NDRG1: variants seen among roughly 807,000 people sequenced by gnomAD.
NDRG1 encodes the protein N-myc downstream regulated 1, also known as protein NDRG1.
Under a neutral mutation model 56.9 loss-of-function variants are expected in NDRG1, and 32 were observed. The ratio of observed to expected loss-of-function variants is 0.56; its 90% CI spans 0.42 to 0.76. The LOEUF (loss-of-function observed/expected upper bound fraction) is 0.76. NDRG1 is among the 30% of genes least tolerant of loss of function. The pLI, the probability that NDRG1 is intolerant of heterozygous loss-of-function variation, is 0.00. For synonymous variants in NDRG1, 211 were observed against 204.1 expected (o/e 1.03, Z -0.29); for missense variants, 507 against 545.7 (o/e 0.93, Z 0.71).
intron 1 of NDRG1, chr8:133,284,772 T>G (rs1290495310): frequency 2.2e-6 from 1 of 458,100 alleles, no homozygotes. Flanking sequence ...ATAGGCATAG[T>G]GCAAGCTTCA....
intron 3 of NDRG1, 109 bp from the exon 4 acceptor site, chr8:133,264,761 A>G: frequency 1.1e-6 from 1 of 940,366 alleles, no homozygotes; most frequent in Non-Finnish European, 1.7e-6. Flanking sequence ...CTCTCTTCTC[A>G]TCTGGCCATA....
At chr8:133,254,468 G>C in intron 9 of NDRG1, 71 bp downstream of exon 9, 1 of 1,540,254 alleles carries the variant, frequency 6.5e-7, no homozygotes, top group Non-Finnish European at 9.0e-7. Context: ...CCCCACATGG[G>C]GCCCTGTGCT....
At position 133,239,021 on chromosome 8, in the gene NDRG1, C is replaced by T. The variant is rs775650624; in HGVS notation, c.1042G>A (p.Glu348Lys). Residue 348 changes from glutamate to lysine, a missense_variant, in exon 16 of 16, where the codon GAG becomes AAG. Glu to Lys is a moderately conservative substitution (Grantham distance 56, BLOSUM62 1). Coordinates refer to ENST00000323851, the MANE Select transcript of NDRG1 (RefSeq NM_006096.4). ...DGTRSRSHTS[E>K]GTRSRSHTSE... Reference sequence around the variant, plus strand: ...GTGTGGGAGCGGCTTCGGGTGCCCTCGCTGGTGTGGGAGCGGCTGCGGGTG... The same window carrying T: ...GTGTGGGAGCGGCTTCGGGTGCCCTTGCTGGTGTGGGAGCGGCTGCGGGTG... 1.3e-6 allele frequency: 2 copies of T among 1,598,774 alleles called. No individual in the cohort carries two copies. Among genetic ancestry groups the T allele is most frequent in the Non-Finnish European group, 1.7e-6 (2 of 1,174,268 alleles).
intron 9 of NDRG1, among the ~76,000 whole-genome samples, chr8:133,252,258 G>T (rs1319162976): frequency 6.6e-6 from 1 of 152,084 alleles, no homozygotes; most frequent in Non-Finnish European, 1.5e-5. Flanking sequence ...ACCACATCCG[G>T]TTAATTTTGT....
chr8:133,256,648 G>C, intron 8 of NDRG1, 129 bp downstream of exon 8: 1 of 825,672 alleles, frequency 1.2e-6, no homozygotes, highest in Non-Finnish European at 2.0e-6. Flanking sequence ...ACTGGAGTGG[G>C]CAGTAGAGGG....
intron 5 of NDRG1, among the ~76,000 whole-genome samples, chr8:133,260,375 C>T (rs1856602782): frequency 6.6e-6 from 1 of 152,216 alleles, no homozygotes; most frequent in Non-Finnish European, 1.5e-5. Context: ...CTCTCCTCTG[C>T]CCTACTCCAG....
intron 1 of NDRG1, among the ~76,000 whole-genome samples, chr8:133,287,949 A>G (rs534229576): frequency 1.6e-4 from 25 of 152,048 alleles, no homozygotes; most frequent in African/African-American, 5.5e-4. Flanking sequence ...ACACACGCAC[A>G]CACACACACA....
chr8:133,256,451 C>G (rs1432877806), intron 8 of NDRG1, among the ~76,000 whole-genome samples: 1 of 152,186 alleles, frequency 6.6e-6, no homozygotes, highest in Middle Eastern at 3.2e-3. Flanking sequence ...TGCTCAGCAT[C>G]TTGACCAAAG....
At chr8:133,257,627 C>T (rs1324378523) in intron 7 of NDRG1, among the ~76,000 whole-genome samples, 1 of 152,142 alleles carries the variant, frequency 6.6e-6, no homozygotes, top group East Asian at 1.9e-4. Flanking sequence ...TCTTATGGAA[C>T]CACTGTCAAA....
intron 1 of NDRG1, among the ~76,000 whole-genome samples, chr8:133,295,076 C>G (rs1013468914): frequency 1.3e-5 from 2 of 152,192 alleles, no homozygotes; most frequent in Non-Finnish European, 2.9e-5. Context: ...AATGATCAAA[C>G]TTTGTTGCTC....
chr8:133,249,642 G>T (rs59219784), intron 10 of NDRG1, among the ~76,000 whole-genome samples: 2,541 of 152,288 alleles, frequency 0.017, 60 homozygotes, highest in African/African-American at 0.057. Flanking sequence ...ACTCGCTCCA[G>T]TTCTCAGAAA....
intron 3 of NDRG1, among the ~76,000 whole-genome samples, chr8:133,271,058 G>A (rs943500876): frequency 7.9e-5 from 12 of 152,202 alleles, no homozygotes; most frequent in African/African-American, 2.9e-4. Flanking sequence ...ACTGGCTTAA[G>A]TCAACTCTCT....
chr8:133,237,405 C>T lies in NDRG1; in HGVS notation c.*1473G>A, dbSNP rs187466317. 83 of 232,076 alleles carry T rather than the reference C, an allele frequency of 3.6e-4. No individual in the cohort carries two copies. The East Asian group carries it at 3.6e-3, about 10-fold the overall frequency. 14.4% of individuals were successfully genotyped at this position (232,076 alleles called of 1,614,324 possible). On this transcript the variant is annotated 3_prime_UTR_variant, in exon 16 of 16. Coordinates refer to ENST00000323851, the MANE Select transcript of NDRG1 (RefSeq NM_006096.4). ...CTGGACTACTTCCTCCTCCCAACTG[C>T]GGGGTCCCAGAAATCCTCGGGTCCC...
At chr8:133,244,602 C>T in intron 13 of NDRG1, 1 of 646,886 alleles carries the variant, frequency 1.5e-6, no homozygotes, top group Non-Finnish European at 2.8e-6. Flanking sequence ...TCACTTGCAG[C>T]TTGCTACGTG....
intron 7 of NDRG1, among the ~76,000 whole-genome samples, chr8:133,257,659 A>G (rs1856453484): frequency 6.6e-6 from 1 of 152,234 alleles, no homozygotes; most frequent in Non-Finnish European, 1.5e-5. Flanking sequence ...TCATTGACCA[A>G]AATGTCATTA....
chr8:133,280,140 T>C, intron 3 of NDRG1, 92 bp downstream of exon 3: 4 of 1,496,680 alleles, frequency 2.7e-6, no homozygotes, highest in Non-Finnish European at 3.7e-6. Context: ...CCCGCAATGT[T>C]TGCACAATGA....
chr8:133,277,727 C>T (rs1286766616), intron 3 of NDRG1, among the ~76,000 whole-genome samples: 9 of 152,124 alleles, frequency 5.9e-5, no homozygotes, highest in Admixed American at 6.5e-5. Context: ...AAAAATAATT[C>T]GGGAAAACAC....
chr8:133,272,459 G>GTTGA (rs1857243002), intron 3 of NDRG1, among the ~76,000 whole-genome samples: 1 of 152,224 alleles, frequency 6.6e-6, no homozygotes, highest in Non-Finnish European at 1.5e-5. Context: ...GCCCCAGGGA[G>GTTGA]GTCAAGCGAG....
At chr8:133,294,709 A>AG (rs1477094180) in intron 1 of NDRG1, among the ~76,000 whole-genome samples, 2 of 151,892 alleles carry the variant, frequency 1.3e-5, no homozygotes, top group Non-Finnish European at 2.9e-5. Context: ...AGGCCAACTC[A>AG]GGGGGCTGCA....
Sources: allele counts gnomAD v4.1 joint callset (sites outside exome capture counted in the v4.1 genomes callset), GRCh38; gene constraint gnomAD v4.1.1; transcripts MANE v1.5; gene names NCBI Gene and HGNC (gene_info 2026-07-23, HGNC 2026-07-21).